The following WWC2 variants were observed in gnomAD, a reference collection of about 807,000 sequenced individuals.
WWC2 encodes protein WWC2.
A neutral mutation model predicts 138.5 loss-of-function variants in WWC2; 101 were observed. The observed-to-expected ratio is 0.73, with a 90% CI of 0.62 to 0.86. The LOEUF (loss-of-function observed/expected upper bound fraction) is 0.86. Ranked by LOEUF, WWC2 falls within the 40% of genes least tolerant of loss-of-function variation. WWC2 has a pLI of 0.00. For synonymous variants in WWC2, 558 were observed against 538.4 expected (o/e 1.04, Z -0.50); for missense variants, 1,420 against 1,419.4 (o/e 1.00, Z -0.01).
intron 1 of WWC2, among the ~76,000 whole-genome samples, chr4:183,110,287 G>C (rs1274256652): frequency 6.6e-6 from 1 of 152,114 alleles, no homozygotes; most frequent in Non-Finnish European, 1.5e-5. Context: ...TTATGCTTTG[G>C]TAGTTAGAAA....
chr4:183,130,350 A>G (rs1231044494), intron 1 of WWC2, among the ~76,000 whole-genome samples: 1 of 152,136 alleles, frequency 6.6e-6, no homozygotes, highest in African/African-American at 2.4e-5. Flanking sequence ...GCTCCCAGCC[A>G]TTCCTAAGTA....
At chr4:183,257,233 T>C (rs1339870468) in intron 9 of WWC2, among the ~76,000 whole-genome samples, 1 of 152,180 alleles carries the variant, frequency 6.6e-6, no homozygotes, top group Non-Finnish European at 1.5e-5. Context: ...TATTTGAATG[T>C]TTTTGCCACT....
chr4:183,225,435 G>T (rs1418381983), intron 4 of WWC2, among the ~76,000 whole-genome samples: 1 of 152,090 alleles, frequency 6.6e-6, no homozygotes, highest in Non-Finnish European at 1.5e-5. Context: ...ATTAAATAAA[G>T]GTGAAAAGAA....
rs575816198 is a variant in WWC2 at position 183,199,781 on chromosome 4, A to G, written c.241+6073A>G. ...TCTCTACCTATAAAGTTTCACATCT[A>G]TAAAACTGATGGAATGTGAATTCCC... On this transcript the variant is annotated intron_variant, in intron 2 of 22. Transcript: ENST00000403733. Among the ~76,000 whole-genome samples, 4 of 152,332 alleles carry G rather than the reference A, an allele frequency of 2.6e-5. No individual in the cohort carries two copies. In the South Asian group the frequency reaches 6.2e-4, roughly 24 times the overall value.
chr4:183,198,856 A>G (rs554656844), intron 2 of WWC2, among the ~76,000 whole-genome samples: 1 of 151,272 alleles, frequency 6.6e-6, no homozygotes, highest in African/African-American at 2.4e-5. Context: ...TTTGTGGCAC[A>G]TTACTGCTTT....
At chr4:183,276,580 T>G (rs1282208455) in intron 16 of WWC2, among the ~76,000 whole-genome samples, 1 of 152,166 alleles carries the variant, frequency 6.6e-6, no homozygotes, top group Non-Finnish European at 1.5e-5. Flanking sequence ...TTTTATTCCC[T>G]TTCCTCCTTC....
chr4:183,159,621 T>C (rs1733900471), intron 1 of WWC2, among the ~76,000 whole-genome samples: 1 of 151,970 alleles, frequency 6.6e-6, no homozygotes. Flanking sequence ...CCTAGGCTTG[T>C]CTTGAACTCC....
At chr4:183,259,483 C>T (rs1250497386) in intron 9 of WWC2, among the ~76,000 whole-genome samples, 156 bp from the exon 10 acceptor site, 1 of 152,184 alleles carries the variant, frequency 6.6e-6, no homozygotes, top group Non-Finnish European at 1.5e-5. Flanking sequence ...GCAGCTCTGC[C>T]CCCCACACTT....
At chr4:183,303,518 C>T (rs181021943) in intron 21 of WWC2, among the ~76,000 whole-genome samples, 3 of 152,262 alleles carry the variant, frequency 2.0e-5, no homozygotes, top group East Asian at 3.9e-4. Flanking sequence ...GCCCTTTTAC[C>T]CCATGACGAC....
intron 9 of WWC2, among the ~76,000 whole-genome samples, chr4:183,256,965 T>C (rs1429575214): frequency 3.5e-5 from 5 of 143,812 alleles, no homozygotes; most frequent in Non-Finnish European, 6.0e-5. Flanking sequence ...GCAGCGACTG[T>C]GCTCGCCACC....
At chr4:183,265,621 C>G in intron 12 of WWC2, 67 bp from the exon 13 acceptor site, 1 of 1,478,650 alleles carries the variant, frequency 6.8e-7, no homozygotes, top group East Asian at 2.4e-5. Context: ...CACTAAGTGG[C>G]AAACTGTTAA....
At chr4:183,112,292 G>T (rs1322838990) in intron 1 of WWC2, among the ~76,000 whole-genome samples, 6 of 152,200 alleles carry the variant, frequency 3.9e-5, no homozygotes, top group Non-Finnish European at 7.3e-5. Flanking sequence ...GCTTGTGTGT[G>T]TCTGCATCAC....
intron 1 of WWC2, among the ~76,000 whole-genome samples, chr4:183,157,524 G>C (rs1341640198): frequency 6.6e-6 from 1 of 152,052 alleles, no homozygotes; most frequent in Admixed American, 6.6e-5. Flanking sequence ...ATTTTGAGAC[G>C]GAGTCTCGCA....
rs1482664879 is a variant in WWC2 at position 183,286,036 on chromosome 4, C to T, written c.3118C>T (p.Arg1040Cys). ...ACTGTTTGTGAGAAACTCCACCGAA[C>T]GCCGCAGTTTGAGGGTCAAAAGGGT... ...KSLFVRNSTE[R>C]RSLRVKRTVC... The change falls in exon 20 of 23, where the codon CGC (arginine) becomes TGC (cysteine). Residue 1040 changes from arginine (R) to cysteine (C), a missense_variant. Arg to Cys is a radical substitution (Grantham distance 180). Coordinates refer to ENST00000403733, the MANE Select transcript of WWC2 (RefSeq NM_024949.6). The T allele has an allele frequency of 6.9e-6, 11 of 1,584,034 alleles. No homozygotes were observed. Among genetic ancestry groups the T allele is most frequent in the Middle Eastern group, 1.7e-4 (1 of 5,902 alleles).
At chr4:183,159,713 C>CTT (rs5741942) in intron 1 of WWC2, among the ~76,000 whole-genome samples, 1 of 142,088 alleles carries the variant, frequency 7.0e-6, no homozygotes. Flanking sequence ...CTGAACTTAC[C>CTT]TTTTTTTTTT....
chr4:183,151,221 G>T (rs541851206), intron 1 of WWC2, among the ~76,000 whole-genome samples: 21 of 152,218 alleles, frequency 1.4e-4, no homozygotes, highest in South Asian at 2.1e-4. Context: ...ACTTTTTAAT[G>T]ATCGCTGTTC....
chr4:183,281,496 T>C (rs1738073808), intron 17 of WWC2: 1 of 152,322 alleles, frequency 6.6e-6, no homozygotes, highest in Admixed American at 6.5e-5. Context: ...TTAGTGAATA[T>C]TTCACTTTTT....
At chr4:183,254,055 G>T in intron 9 of WWC2, 56 bp downstream of exon 9, 1 of 1,571,166 alleles carries the variant, frequency 6.4e-7, no homozygotes. Flanking sequence ...TGTCTTAACT[G>T]GATACTATTT....
chr4:183,252,109 G>T (rs1465365500), intron 8 of WWC2, among the ~76,000 whole-genome samples: 1 of 152,172 alleles, frequency 6.6e-6, no homozygotes, highest in African/African-American at 2.4e-5. Context: ...ATTAGAACAA[G>T]AAACTTATGG....
Sources: allele counts gnomAD v4.1 joint callset (sites outside exome capture counted in the v4.1 genomes callset), GRCh38; gene constraint gnomAD v4.1.1; transcripts MANE v1.5; gene names NCBI Gene and HGNC (gene_info 2026-07-23, HGNC 2026-07-21).